Variants in FCHO2 observed in about 807,000 individuals in gnomAD.
The protein encoded by FCHO2 is F-BAR domain only protein 2.
FCHO2 carries 43 observed loss-of-function variants against 114.1 expected under a neutral mutation model. The ratio of observed to expected loss-of-function variants is 0.38; its 90% confidence interval spans 0.30 to 0.49. The LOEUF (loss-of-function observed/expected upper bound fraction) is 0.49. FCHO2 is among the 20% of genes least tolerant of loss of function. FCHO2 has a pLI of 0.97. For missense variants in FCHO2, 807 were observed against 950.4 expected (o/e 0.85, Z 1.98); for synonymous variants, 293 against 315.2 (o/e 0.93, Z 0.75).
At chr5:73,082,409 GTTAGTA>G (rs975341947) in intron 23 of FCHO2, among the ~76,000 whole-genome samples, 19 of 151,940 alleles carry the variant, frequency 1.3e-4, no homozygotes, top group African/African-American at 2.2e-4. Context: ...TGTCCCCTCT[GTTAGTA>G]TTAGTATAGA....
intron 20 of FCHO2, among the ~76,000 whole-genome samples, chr5:73,075,555 G>T (rs1742872072): frequency 6.6e-6 from 1 of 152,132 alleles, no homozygotes; most frequent in Non-Finnish European, 1.5e-5. Flanking sequence ...TGAGTAACAT[G>T]GAAAGCCAGT....
chr5:73,040,490 G>C (rs573768076), intron 10 of FCHO2, among the ~76,000 whole-genome samples: 2 of 152,230 alleles, frequency 1.3e-5, no homozygotes, highest in African/African-American at 4.8e-5. Flanking sequence ...ATTTATTTTA[G>C]AGTGCATACA....
chr5:73,051,577 T>G (rs1561479395), intron 12 of FCHO2, among the ~76,000 whole-genome samples, 171 bp downstream of exon 12: 1 of 151,658 alleles, frequency 6.6e-6, no homozygotes, highest in South Asian at 2.1e-4. Flanking sequence ...TTTTTTTGGG[T>G]TTTTTTTGAG....
chr5:73,061,843 A>G (rs1757866065), intron 17 of FCHO2, among the ~76,000 whole-genome samples: 1 of 152,096 alleles, frequency 6.6e-6, no homozygotes, highest in African/African-American at 2.4e-5. Context: ...TCTGAGGATC[A>G]CAGTGACCTT....
rs374987125 is a variant in FCHO2, at chr5:73,087,742, G to A, written c.2399G>A (p.Arg800Gln). The A allele has an allele frequency of 8.9e-6, 14 of 1,576,556 alleles. No homozygotes were observed. The highest frequency in any genetic ancestry group is 1.4e-5 in the African/African-American group (1 of 72,862). Residue 800 changes from arginine (R) to glutamine (Q), a missense_variant, in exon 25 of 26, where the codon CGG (arginine) becomes CAG (glutamine). By Grantham distance (43) the Arg-to-Gln change is conservative. Transcript: ENST00000430046. ...TATAGGCTTTCCTTAATAAAGAAGC[G>A]GTTTGCTACTGGTAAGTTAGGAGAT... ...TGYRLSLIKK[R>Q]FATGRYLADC
In FCHO2 at chr5:73,027,586, A is replaced by G. The variant is rs149118201; in HGVS notation, c.797-7071A>G. Among the ~76,000 whole-genome samples, 540 of 152,276 alleles carry G rather than the reference A, an allele frequency of 3.5e-3. 5 individuals are homozygous for G. The highest frequency in any genetic ancestry group is 0.013 in the African/African-American group (525 of 41,578). On this transcript the variant is annotated intron_variant, in intron 8 of 25. Coordinates refer to ENST00000430046, the MANE Select transcript of FCHO2 (RefSeq NM_138782.3). The stretch of plus-strand genomic sequence containing the variant: ...AGGTGATAACCTGAAAAGAGTTCCC[A>G]GTGGCCAAAGCTGGAATTACTTGAG...
At chr5:72,998,343 C>T (rs148353360) in intron 5 of FCHO2, among the ~76,000 whole-genome samples, 6,718 of 151,920 alleles carry the variant, frequency 0.044, 434 homozygotes, top group East Asian at 0.34. Context: ...ACAAATTAGC[C>T]AGGCGTGGTG....
At chr5:73,009,028 C>T (rs1000622192) in intron 6 of FCHO2, among the ~76,000 whole-genome samples, 4 of 152,180 alleles carry the variant, frequency 2.6e-5, no homozygotes, top group African/African-American at 9.7e-5. Context: ...GAAAGGGCCT[C>T]AGGGCCAAGC....
chr5:72,979,691 G>A (rs957726396), intron 2 of FCHO2, among the ~76,000 whole-genome samples: 3 of 152,148 alleles, frequency 2.0e-5, no homozygotes, highest in South Asian at 2.1e-4. Flanking sequence ...GCGCCCGGCC[G>A]AATTTATCAA....
In FCHO2 at chr5:72,961,184, A is replaced by G. The variant is rs866045013; in HGVS notation, c.33+5055A>G. Among the ~76,000 whole-genome samples, 79 of 152,278 alleles carry G rather than the reference A, an allele frequency of 5.2e-4. 1 individual carries two copies. Among genetic ancestry groups the G allele is most frequent in the African/African-American group, 1.9e-3 (78 of 41,580 alleles). On this transcript the variant is annotated intron_variant, in intron 1 of 25. Transcript: ENST00000430046. ...TGTATTTTAAAATTCTGGAATTGCT[A>G]TTAATAGGTCTTTGGGATAAAAAAC...
At chr5:72,980,542 G>A (rs1244899620) in intron 2 of FCHO2, among the ~76,000 whole-genome samples, 5 of 152,050 alleles carry the variant, frequency 3.3e-5, no homozygotes, top group Admixed American at 2.0e-4. Flanking sequence ...TATTGACAGC[G>A]GGGTGTTAAA....
rs779054364 is a variant in FCHO2 at position 73,075,196 on chromosome 5, C to T, written c.1691+343C>T. Reference sequence around the variant, plus strand: ...GCTGTATGTATTGGATATTGATACACGCTATGAAGAAAAATAAACCAGGGT... The same window carrying T: ...GCTGTATGTATTGGATATTGATACATGCTATGAAGAAAAATAAACCAGGGT... On this transcript the variant is annotated intron_variant, in intron 20 of 25. Coordinates refer to ENST00000430046, the MANE Select transcript of FCHO2 (RefSeq NM_138782.3). Among the ~76,000 whole-genome samples the T allele has an allele frequency of 4.1e-4, 63 of 152,084 alleles. 1 individual carries two copies. Among genetic ancestry groups the T allele is most frequent in the Admixed American group, 2.9e-3 (44 of 15,266 alleles).
At chr5:73,086,123 C>G (rs76527412) in intron 24 of FCHO2, among the ~76,000 whole-genome samples, 1 of 132,368 alleles carries the variant, frequency 7.6e-6, no homozygotes, top group African/African-American at 2.8e-5. Context: ...GACTCTGTCT[C>G]AAAAAAAAAA....
intron 5 of FCHO2, among the ~76,000 whole-genome samples, chr5:73,003,349 A>T (rs954931097): frequency 1.1e-4 from 16 of 151,996 alleles, no homozygotes; most frequent in South Asian, 6.2e-4. Context: ...TTATTTTTTT[A>T]AAATTTTTGT....
In FCHO2 at chr5:73,087,662, C is replaced by G; in HGVS notation, c.2319C>G (p.Phe773Leu). 6.2e-7 allele frequency: 1 copy of G among 1,613,896 alleles called. No individual in the cohort carries two copies. The highest frequency in any genetic ancestry group is 8.5e-7 in the Non-Finnish European group (1 of 1,179,832). ...PSKPTTLAVQ[F>L]LSEGSTLSGV... Reference sequence around the variant, plus strand: ...AACCCACGACACTTGCAGTACAATTCCTCAGCGAGGGAAGTACCCTTTCAG... The same window carrying G: ...AACCCACGACACTTGCAGTACAATTGCTCAGCGAGGGAAGTACCCTTTCAG... The change falls in exon 25 of 26, where the codon TTC (phenylalanine) becomes TTG (leucine). Residue 773 changes from phenylalanine to leucine, a missense_variant. Physicochemically the swap from Phe to Leu is conservative, Grantham distance 22. Transcript: ENST00000430046.
chr5:72,957,020 G>A (rs1482474164), intron 1 of FCHO2, among the ~76,000 whole-genome samples: 3 of 151,932 alleles, frequency 2.0e-5, no homozygotes, highest in African/African-American at 7.3e-5. Context: ...GTCCATTTTC[G>A]TTGAGATTTA....
At chr5:73,053,180 G>A (rs1437118660) in intron 13 of FCHO2, among the ~76,000 whole-genome samples, 1 of 152,042 alleles carries the variant, frequency 6.6e-6, no homozygotes, top group African/African-American at 2.4e-5. Context: ...TGATAATGAA[G>A]AATAAAGGTT....
intron 12 of FCHO2, 27 bp from the exon 13 acceptor site, chr5:73,052,305 A>G (rs751789635): frequency 1.3e-6 from 2 of 1,575,050 alleles, no homozygotes; most frequent in African/African-American, 2.7e-5. Flanking sequence ...AAGGTAATTT[A>G]AAAACAATTC....
chr5:73,027,907 G>A (rs1234358153), intron 8 of FCHO2, among the ~76,000 whole-genome samples: 1 of 152,008 alleles, frequency 6.6e-6, no homozygotes, highest in Non-Finnish European at 1.5e-5. Flanking sequence ...TTAAAAGGCT[G>A]ACTATACCAG....
Sources: gnomAD v4.1 joint callset for allele counts (sites outside exome capture counted in the v4.1 genomes callset) on GRCh38, gnomAD v4.1.1 for gene constraint, MANE v1.5 for transcripts, NCBI Gene and HGNC (gene_info 2026-07-23, HGNC 2026-07-21) for gene names.